Variants in SARAF observed in about 807,000 individuals in gnomAD.
SARAF encodes store-operated calcium entry associated regulatory factor, also known as store-operated calcium entry-associated regulatory factor.
In SARAF, 23 loss-of-function variants were observed where a neutral mutation model predicts 39.7. That is an observed-to-expected ratio of 0.58 (90% CI 0.42 to 0.82). The LOEUF is 0.82. Among genes scored for constraint, SARAF ranks in the 40% least tolerant of loss-of-function variants. SARAF has a pLI of 0.00. For missense variants in SARAF, 384 were observed against 418.5 expected (o/e 0.92, Z 0.72); for synonymous variants, 175 against 168.5 (o/e 1.04, Z -0.30).
chr8:30,074,705 G>A (rs1488225523), intron 1 of SARAF, among the ~76,000 whole-genome samples: 2 of 152,116 alleles, frequency 1.3e-5, no homozygotes, highest in Admixed American at 1.3e-4. Context: ...ATTCAAATAA[G>A]TATCTAGTCT....
At chr8:30,069,259 T>C (rs900940083) in intron 3 of SARAF, among the ~76,000 whole-genome samples, 36 of 149,524 alleles carry the variant, frequency 2.4e-4, no homozygotes, top group Non-Finnish European at 4.3e-4. Flanking sequence ...CATGCCTCAG[T>C]CTCCCAAGCA....
chr8:30,082,782 C>G (rs902529936), intron 1 of SARAF, 65 bp downstream of exon 1: 6 of 1,341,132 alleles, frequency 4.5e-6, no homozygotes, highest in Non-Finnish European at 6.0e-6. Flanking sequence ...CGCAGGGGAG[C>G]CTGCACCGGC....
intron 2 of SARAF, 158 bp downstream of exon 2, chr8:30,073,719 G>T: frequency 1.8e-6 from 1 of 558,684 alleles, no homozygotes; most frequent in Non-Finnish European, 3.0e-6. Context: ...TCTTTTGGAG[G>T]CCATTTCTTC....
At position 30,081,826 on chromosome 8, in the gene SARAF, C is replaced by T. The variant is rs529816417; in HGVS notation, c.103+1021G>A. Among the ~76,000 whole-genome samples, 3 of 151,330 alleles carry T rather than the reference C, an allele frequency of 2.0e-5. No homozygotes were observed. In the East Asian group the frequency reaches 5.8e-4, roughly 29 times the overall value. ...CTGTATCTAAGTATATAGACATATA[C>T]GTATTAATTGCACGGAATATTACTG... On this transcript the variant is annotated intron_variant, in intron 1 of 5. Coordinates refer to ENST00000256255, the MANE Select transcript of SARAF (RefSeq NM_016127.6).
chr8:30,066,054 G>A lies in SARAF; in HGVS notation c.928C>T (p.Leu310Phe). Residue 310 changes from leucine (L) to phenylalanine (F), a missense_variant, in exon 5 of 6, where the codon CTT becomes TTT. By Grantham distance (22) the Leu-to-Phe change is conservative. Transcript: ENST00000256255. ...GAATAGCTGCCCGAGCCTCCATGAA[G>A]GGGTGAGTAAGCCCTATTCCACGTG... ...PGTWNRAYSP[L>F]HGGSGSYSVC... The A allele has an allele frequency of 1.2e-6, 2 of 1,614,144 alleles. No homozygotes were observed. Among genetic ancestry groups the A allele is most frequent in the Non-Finnish European group, 1.7e-6 (2 of 1,180,032 alleles).
chr8:30,063,823 T>C lies in SARAF; in HGVS notation c.*65A>G. On this transcript the variant is annotated 3_prime_UTR_variant, in exon 6 of 6. Coordinates refer to ENST00000256255, the MANE Select transcript of SARAF (RefSeq NM_016127.6). ...AATTGTTAACAGGTAGTACTTTTTTTCTAAAGAGAAAGTGATGAAAAATCC... is the reference window on the plus strand; with the variant it reads ...AATTGTTAACAGGTAGTACTTTTTTCCTAAAGAGAAAGTGATGAAAAATCC... The C allele has an allele frequency of 7.1e-7, 1 of 1,406,868 alleles. No individual in the cohort carries two copies. Among genetic ancestry groups the C allele is most frequent in the South Asian group, 1.2e-5 (1 of 86,492 alleles). The allele number at this position is 1,406,868 out of a possible 1,614,324, so 87.1% of individuals were successfully genotyped here.
At chr8:30,074,930 A>G (rs1008263674) in intron 1 of SARAF, among the ~76,000 whole-genome samples, 2 of 152,238 alleles carry the variant, frequency 1.3e-5, no homozygotes, top group Non-Finnish European at 2.9e-5. Flanking sequence ...AAACTAAAAA[A>G]TTTAAAACAT....
chr8:30,064,579 T>G (rs1801639641), intron 5 of SARAF, among the ~76,000 whole-genome samples: 1 of 126,954 alleles, frequency 7.9e-6, no homozygotes. Context: ...TTTTTTTTTT[T>G]GAGACAGAGT....
intron 1 of SARAF, among the ~76,000 whole-genome samples, chr8:30,080,753 T>G (rs867521403): frequency 2.0e-5 from 3 of 152,248 alleles, no homozygotes; most frequent in African/African-American, 4.8e-5. Context: ...AGTAATGGCA[T>G]CCAAGTCAAA....
At chr8:30,075,395 G>A (rs536274067) in intron 1 of SARAF, among the ~76,000 whole-genome samples, 1 of 152,230 alleles carries the variant, frequency 6.6e-6, no homozygotes, top group South Asian at 2.1e-4. Context: ...GGAAGATGCT[G>A]TGGATTGGCT....
At chr8:30,067,271 G>A (rs1282522987) in intron 3 of SARAF, among the ~76,000 whole-genome samples, 2 of 152,168 alleles carry the variant, frequency 1.3e-5, no homozygotes, top group South Asian at 4.1e-4. Flanking sequence ...AGCTCCAGAT[G>A]AGAGCTGTGC....
rs373176713 is a variant in SARAF, at chr8:30,069,820, A to C, written c.522T>G (p.Ser174Arg). 1 of 1,614,006 alleles carries C rather than the reference A, an allele frequency of 6.2e-7. No individual in the cohort carries two copies. The highest frequency in any genetic ancestry group is 8.5e-7 in the Non-Finnish European group (1 of 1,179,996). The change falls in exon 3 of 6, where the codon AGT becomes AGG. Residue 174 changes from serine to arginine, a missense_variant. Coordinates refer to ENST00000256255, the MANE Select transcript of SARAF (RefSeq NM_016127.6). ...GGAGTACCACAATGGTAATCAATCC[A>C]CTCATGTTACAGGAATCCGCCGAGG... ...KWSSADSCNM[S>R]GLITIVVLLG...
At chr8:30,082,337 CAA>C (rs55898226) in intron 1 of SARAF, 322 of 140,124 alleles carry the variant, frequency 2.3e-3, no homozygotes, top group Middle Eastern at 7.4e-3. Context: ...GACTCCGACT[CAA>C]AAAAAAAAAA....
intron 1 of SARAF, among the ~76,000 whole-genome samples, chr8:30,081,409 T>C (rs919274283): frequency 6.6e-6 from 1 of 152,258 alleles, no homozygotes; most frequent in Admixed American, 6.5e-5. Flanking sequence ...TAAAGTTTCA[T>C]TCTAGGTTTT....
At chr8:30,083,180 C>T (rs1359392960), upstream of SARAF, 2 of 433,448 alleles carry the variant, frequency 4.6e-6, no homozygotes, top group Admixed American at 4.7e-5. Context: ...TGGAGCACAG[C>T]GCGGCTTGGG....
intron 2 of SARAF, among the ~76,000 whole-genome samples, chr8:30,070,467 G>T (rs1801813540): frequency 6.6e-6 from 1 of 152,098 alleles, no homozygotes; most frequent in Non-Finnish European, 1.5e-5. Context: ...ATGAAGCAAG[G>T]GAATGATCCG....
Position 30,066,128 on chromosome 8 carries a change from G to A in SARAF, c.854C>T (p.Pro285Leu). ...YLFGSNRAAT[P>L]FSDSWYYPSY... Reference sequence around the variant, plus strand: ...CGGGTAGTACCACGAGTCTGAGAAGGGTGTTGCCGCTCTTTAAAGGGATAA... The same window carrying A: ...CGGGTAGTACCACGAGTCTGAGAAGAGTGTTGCCGCTCTTTAAAGGGATAA... Residue 285 changes from proline (P) to leucine (L), a missense_variant, in exon 5 of 6, where the codon CCC becomes CTC. Coordinates refer to ENST00000256255, the MANE Select transcript of SARAF (RefSeq NM_016127.6). 1 of 1,613,836 alleles carries A rather than the reference G, an allele frequency of 6.2e-7. No individual in the cohort carries two copies. Among genetic ancestry groups the A allele is most frequent in the Non-Finnish European group, 8.5e-7 (1 of 1,179,892 alleles).
chr8:30,063,686 A>G lies in SARAF; in HGVS notation c.*202T>C. The stretch of plus-strand genomic sequence containing the variant: ...CAATATACATCTGCATGTTACACTG[A>G]CATACAACACATAAGTATTTTGTCA... On this transcript the variant is annotated 3_prime_UTR_variant, in exon 6 of 6. Coordinates refer to ENST00000256255, the MANE Select transcript of SARAF (RefSeq NM_016127.6). 1 of 600,246 alleles carries G rather than the reference A, an allele frequency of 1.7e-6. No individual in the cohort carries two copies. The highest frequency in any genetic ancestry group is 3.0e-6 in the Non-Finnish European group (1 of 337,716). 37.2% of individuals were successfully genotyped at this position (600,246 alleles called of 1,614,324 possible).
In SARAF at chr8:30,073,964, T is replaced by G. The variant is rs141148861; in HGVS notation, c.195A>C (p.Lys65Asn). Reference sequence around the variant, plus strand: ...CACAACCAGCTGTGCCTCCAACACATTTCAACTGTGGGATGGGATCCAGCC... The same window carrying G: ...CACAACCAGCTGTGCCTCCAACACAGTTCAACTGTGGGATGGGATCCAGCC... The part of the protein sequence containing the change: ...SRRLDPIPQL[K>N]CVGGTAGCDS... Residue 65 changes from lysine (K) to asparagine (N), a missense_variant, in exon 2 of 6, where the codon AAA becomes AAC. Transcript: ENST00000256255. 1.6e-4 allele frequency: 256 copies of G among 1,614,062 alleles called. No individual in the cohort carries two copies. The highest frequency in any genetic ancestry group is 2.1e-4 in the Non-Finnish European group (250 of 1,180,042).
Sources: allele counts gnomAD v4.1 joint callset (sites outside exome capture counted in the v4.1 genomes callset), GRCh38; gene constraint gnomAD v4.1.1; transcripts MANE v1.5; gene names NCBI Gene and HGNC (gene_info 2026-07-23, HGNC 2026-07-21).